Variants in MYO7A observed in about 807,000 individuals in gnomAD.
MYO7A encodes the protein unconventional myosin-VIIa.
A neutral mutation model predicts 263.8 loss-of-function variants in MYO7A; 210 were observed. The observed-to-expected ratio is 0.80, with a 90% CI of 0.71 to 0.89. MYO7A has a LOEUF of 0.89. MYO7A is among the 40% of genes least tolerant of loss of function. The probability of loss-of-function intolerance (pLI) is 0.00; values close to 1 mark genes in which losing one functional copy is unlikely to be tolerated. For missense variants in MYO7A, 2,820 were observed against 2,968.3 expected (o/e 0.95, Z 1.16); for synonymous variants, 1,239 against 1,197.3 (o/e 1.03, Z -0.72).
intron 32 of MYO7A, among the ~76,000 whole-genome samples, chr11:77,196,231 G>T (rs550407879): frequency 1.3e-5 from 2 of 152,326 alleles, no homozygotes; most frequent in Non-Finnish European, 1.5e-5. Context: ...ACCAGGCGTG[G>T]TGGTGGGTGC....
intron 33 of MYO7A, 76 bp from the exon 34 acceptor site, chr11:77,198,419 C>T (rs1956827342): frequency 1.3e-6 from 2 of 1,570,332 alleles, no homozygotes; most frequent in African/African-American, 1.4e-5. Context: ...TGCCACCTGC[C>T]TGGCCGTTAT....
At chr11:77,193,051 G>GGCGATGGTGTTGATGGTGGGGAGGTA (rs1956288709) in intron 31 of MYO7A, among the ~76,000 whole-genome samples, 1 of 84,444 alleles carries the variant, frequency 1.2e-5, no homozygotes, top group Non-Finnish European at 2.1e-5. Flanking sequence ...TGGTGGAGGT[G>GGCGATGGTGTTGATGGTGGGGAGGTA]GTGATGGTGT....
At chr11:77,167,824 G>A (rs944696380) in intron 15 of MYO7A, among the ~76,000 whole-genome samples, 3 of 152,120 alleles carry the variant, frequency 2.0e-5, no homozygotes, top group Admixed American at 2.0e-4. Context: ...TGTCTGGATG[G>A]TGGCCTCTCC....
chr11:77,172,610 G>T, intron 15 of MYO7A, 138 bp from the exon 16 acceptor site: 6 of 1,130,198 alleles, frequency 5.3e-6, no homozygotes, highest in Non-Finnish European at 7.5e-6. Flanking sequence ...GAGGCAGTTT[G>T]CAGGAAAACT....
rs569899192 is a variant in MYO7A, at chr11:77,183,244, G to A, written c.3375+87G>A. On this transcript the variant is annotated intron_variant, in intron 26 of 48. Coordinates refer to ENST00000409709, the MANE Select transcript of MYO7A (RefSeq NM_000260.4). ...GAGCACAGCTGAGCTGGGGGCCCAC[G>A]GAAGCAGGAGCAGGAGTGGACACTG... 261 of 1,147,726 alleles carry A rather than the reference G, an allele frequency of 2.3e-4. 1 individual carries two copies. The highest frequency in any genetic ancestry group is 6.5e-4 in the South Asian group (49 of 75,650). The allele number at this position is 1,147,726 out of a possible 1,614,324, so 71.1% of individuals were successfully genotyped here.
In MYO7A at chr11:77,184,684, A is replaced by G. The variant is rs797044517; in HGVS notation, c.3472A>G (p.Ile1158Val). The change falls in exon 27 of 49, where the codon ATC becomes GTC. Residue 1158 changes from isoleucine (I) to valine (V), a missense_variant. Physicochemically the swap from Ile to Val is conservative, Grantham distance 29. Coordinates refer to ENST00000409709, the MANE Select transcript of MYO7A (RefSeq NM_000260.4). ...CAACCTGGAGAAGCTGCACTTCATC[A>G]TCGGCAATGGCATCCTGCGGCCAGC... is the stretch of plus-strand genomic sequence containing the variant. Reference protein sequence around the residue: ...TSNLEKLHFIIGNGILRPALR... With the variant: ...TSNLEKLHFIVGNGILRPALR... The G allele has an allele frequency of 1.6e-5, 25 of 1,599,506 alleles. No individual in the cohort carries two copies. Among genetic ancestry groups the G allele is most frequent in the Non-Finnish European group, 2.1e-5 (25 of 1,172,748 alleles).
At chr11:77,199,034 A>C (rs1956880726) in intron 34 of MYO7A, among the ~76,000 whole-genome samples, 1 of 152,226 alleles carries the variant, frequency 6.6e-6, no homozygotes, top group South Asian at 2.1e-4. Flanking sequence ...TGCAGTGCAC[A>C]TAGGTGGAAT....
chr11:77,180,293 T>C, intron 21 of MYO7A, 81 bp from the exon 22 acceptor site: 1 of 1,140,878 alleles, frequency 8.8e-7, no homozygotes, highest in Non-Finnish European at 1.3e-6. Context: ...GAACTCAGAG[T>C]TGGGTGGGTG....
At chr11:77,201,216 A>C (rs141533939) in intron 35 of MYO7A, among the ~76,000 whole-genome samples, 2 of 152,342 alleles carry the variant, frequency 1.3e-5, no homozygotes, top group African/African-American at 4.8e-5. Flanking sequence ...CCCGCTCACA[A>C]CAGGCCCAGG....
At chr11:77,207,506 G>GGGCAC in intron 42 of MYO7A, 104 bp downstream of exon 42, 2 of 872,792 alleles carry the variant, frequency 2.3e-6, no homozygotes, top group Admixed American at 4.0e-5. Flanking sequence ...GAGGGGAAGA[G>GGGCAC]GGCACTGGCA....
At chr11:77,214,557 C>G in intron 48 of MYO7A, 50 bp from the exon 49 acceptor site, 1 of 1,359,408 alleles carries the variant, frequency 7.4e-7, no homozygotes. Context: ...GTCTGAGTGG[C>G]TGGCCCTGTC....
intron 1 of MYO7A, among the ~76,000 whole-genome samples, chr11:77,129,390 C>T (rs930596646): frequency 2.4e-4 from 37 of 152,290 alleles, no homozygotes; most frequent in Admixed American, 7.2e-4. Flanking sequence ...GGCAGAGGAT[C>T]GAATGCCCCG....
At chr11:77,194,213 T>G in intron 31 of MYO7A, 141 bp from the exon 32 acceptor site, 1 of 1,001,332 alleles carries the variant, frequency 1.0e-6, no homozygotes, top group Non-Finnish European at 1.5e-6. Context: ...GGTGAATCAG[T>G]GAGAAGCCTG....
At chr11:77,167,874 C>T (rs1399291702) in intron 15 of MYO7A, among the ~76,000 whole-genome samples, 3 of 152,160 alleles carry the variant, frequency 2.0e-5, no homozygotes, top group African/African-American at 7.2e-5. Flanking sequence ...CCTCCCGCCC[C>T]CACTCACCCT....
chr11:77,156,784 A>G lies in MYO7A; in HGVS notation c.592+3A>G, dbSNP rs781847599. On this transcript the variant is annotated splice_donor_region_variant and intron_variant, in intron 6 of 48. Transcript: ENST00000409709. Reference sequence around the variant, plus strand: ...GGAGGCCACCCCCATTCTGGAAGGTAGGACCAGAGTTCCGAGGGTGGGACC... The same window carrying G: ...GGAGGCCACCCCCATTCTGGAAGGTGGGACCAGAGTTCCGAGGGTGGGACC... The G allele has an allele frequency of 1.9e-6, 3 of 1,613,878 alleles. No homozygotes were observed. The East Asian group carries it at 6.7e-5, about 36-fold the overall frequency.
chr11:77,187,859 G>A (rs1401550570), intron 27 of MYO7A, among the ~76,000 whole-genome samples: 2 of 152,188 alleles, frequency 1.3e-5, no homozygotes, highest in African/African-American at 2.4e-5. Context: ...CCAGAGTAGG[G>A]AAGAGATTTG....
rs780197879 is a variant in MYO7A, at chr11:77,201,436, T to A, written c.4853-12T>A. ...CTCTGCCCCCATGGTCCCACTCACC[T>A]CTGCTCTACAGCAGGCGAGGAGTCA... On this transcript the variant is annotated splice_polypyrimidine_tract_variant and intron_variant, in intron 35 of 48. Transcript: ENST00000409709. 5.6e-6 allele frequency: 9 copies of A among 1,611,536 alleles called. 1 individual carries two copies. In the South Asian group the frequency reaches 9.9e-5, roughly 18 times the overall value.
chr11:77,154,365 G>T (rs1952241512), intron 4 of MYO7A, among the ~76,000 whole-genome samples: 1 of 152,160 alleles, frequency 6.6e-6, no homozygotes, highest in South Asian at 2.1e-4. Flanking sequence ...AGGGGTCTGA[G>T]AGCAGGGCCT....
At chr11:77,145,692 AC>A (rs1397159266) in intron 3 of MYO7A, among the ~76,000 whole-genome samples, 2 of 151,994 alleles carry the variant, frequency 1.3e-5, no homozygotes, top group African/African-American at 4.8e-5. Context: ...CCCTAACAGT[AC>A]CCACCCCCTC....
Sources: gnomAD v4.1 joint callset for allele counts (sites outside exome capture counted in the v4.1 genomes callset) on GRCh38, gnomAD v4.1.1 for gene constraint, MANE v1.5 for transcripts, NCBI Gene and HGNC (gene_info 2026-07-23, HGNC 2026-07-21) for gene names.